GRIK4: variants seen among roughly 807,000 people sequenced by gnomAD.
GRIK4 encodes glutamate receptor ionotropic, kainate 4.
In GRIK4, 40 loss-of-function variants were observed where a neutral mutation model predicts 104.9. That is an observed-to-expected ratio of 0.38 (90% CI 0.30 to 0.50). The LOEUF (loss-of-function observed/expected upper bound fraction) is 0.50. Among genes scored for constraint, GRIK4 ranks in the 20% least tolerant of loss-of-function variants. The pLI, the probability that GRIK4 is intolerant of heterozygous loss-of-function variation, is 0.93. For missense variants in GRIK4, 1,047 were observed against 1,308.1 expected (o/e 0.80, Z 3.08); for synonymous variants, 485 against 524.9 (o/e 0.92, Z 1.04).
At chr11:120,910,043 G>T (rs1942957486) in intron 13 of GRIK4, among the ~76,000 whole-genome samples, 1 of 152,228 alleles carries the variant, frequency 6.6e-6, no homozygotes. Context: ...AGAGCAGGTT[G>T]TTATAAAGTG....
intron 3 of GRIK4, among the ~76,000 whole-genome samples, chr11:120,699,911 T>C (rs1219723556): frequency 6.6e-6 from 1 of 152,144 alleles, no homozygotes; most frequent in Non-Finnish European, 1.5e-5. Flanking sequence ...GTCAGAGATG[T>C]AGGTGTGAAG....
chr11:120,948,638 G>A (rs909001008), intron 14 of GRIK4, among the ~76,000 whole-genome samples: 2 of 152,228 alleles, frequency 1.3e-5, no homozygotes, highest in Admixed American at 6.5e-5. Context: ...AAAAGTGGCT[G>A]TAGCCAGATA....
At chr11:120,611,184 G>T (rs1949033695) in intron 1 of GRIK4, among the ~76,000 whole-genome samples, 1 of 152,122 alleles carries the variant, frequency 6.6e-6, no homozygotes, top group Admixed American at 6.5e-5. Context: ...TGTCCAGGAG[G>T]CCACATAGGA....
chr11:120,664,505 C>G (rs537800618), intron 3 of GRIK4, among the ~76,000 whole-genome samples: 2 of 152,322 alleles, frequency 1.3e-5, no homozygotes, highest in African/African-American at 4.8e-5. Context: ...TTGGACCAAA[C>G]AATCCCCTGT....
intron 1 of GRIK4, among the ~76,000 whole-genome samples, chr11:120,533,251 A>G (rs1947940436): frequency 6.6e-6 from 1 of 152,206 alleles, no homozygotes; most frequent in Admixed American, 6.5e-5. Flanking sequence ...GGACTTCTAG[A>G]GTGAGAGATG....
At chr11:120,512,033 C>G (rs1412847352) in intron 1 of GRIK4, 146 bp downstream of exon 1, 1 of 146,756 alleles carries the variant, frequency 6.8e-6, no homozygotes, top group East Asian at 2.1e-4. Flanking sequence ...GCCCCGCACC[C>G]CTGCCCCGGC....
chr11:120,946,403 G>A (rs1686228047), intron 14 of GRIK4, among the ~76,000 whole-genome samples: 1 of 152,216 alleles, frequency 6.6e-6, no homozygotes, highest in African/African-American at 2.4e-5. Context: ...GCGCATGCCT[G>A]TAATCCCAGC....
At chr11:120,630,546 C>T (rs12295761) in intron 1 of GRIK4, among the ~76,000 whole-genome samples, 21,404 of 152,152 alleles carry the variant, frequency 0.14, 2,754 homozygotes, top group African/African-American at 0.34. Flanking sequence ...GAAAAGCAGA[C>T]GCCGGCCTCC....
At chr11:120,678,102 C>T (rs548550485) in intron 3 of GRIK4, among the ~76,000 whole-genome samples, 26 of 151,760 alleles carry the variant, frequency 1.7e-4, no homozygotes, top group African/African-American at 5.6e-4. Flanking sequence ...TCTGCAGAGA[C>T]CCCGAGGCCT....
intron 6 of GRIK4, among the ~76,000 whole-genome samples, chr11:120,830,436 G>A (rs1310746252): frequency 1.3e-5 from 2 of 152,162 alleles, no homozygotes; most frequent in East Asian, 1.9e-4. Context: ...TCTGCAATGC[G>A]AGGAGGTGGA....
intron 3 of GRIK4, among the ~76,000 whole-genome samples, chr11:120,727,522 C>T (rs1377837513): frequency 6.6e-6 from 1 of 151,972 alleles, no homozygotes; most frequent in Non-Finnish European, 1.5e-5. Context: ...TGATTGGATC[C>T]AACTTTAATA....
intron 7 of GRIK4, among the ~76,000 whole-genome samples, chr11:120,833,976 T>G (rs1953504687): frequency 6.6e-6 from 1 of 152,210 alleles, no homozygotes; most frequent in Non-Finnish European, 1.5e-5. Flanking sequence ...AACCATCACT[T>G]TATTGTTGGA....
chr11:120,852,744 G>T (rs74407023), intron 8 of GRIK4, among the ~76,000 whole-genome samples: 1 of 152,182 alleles, frequency 6.6e-6, no homozygotes, highest in Non-Finnish European at 1.5e-5. Flanking sequence ...GACGGGTACC[G>T]CAGTCAAGTG....
At chr11:120,695,322 C>A (rs1258870576) in intron 3 of GRIK4, among the ~76,000 whole-genome samples, 1 of 152,242 alleles carries the variant, frequency 6.6e-6, no homozygotes, top group Non-Finnish European at 1.5e-5. Flanking sequence ...GGGCAGCTCT[C>A]CCACCCAGGC....
intron 3 of GRIK4, among the ~76,000 whole-genome samples, chr11:120,788,669 A>G (rs913916328): frequency 6.6e-6 from 1 of 152,090 alleles, no homozygotes; most frequent in Non-Finnish European, 1.5e-5. Context: ...GCCTTTTTGC[A>G]GGGCTTGCTT....
At chr11:120,925,170 G>C (rs1304911490) in intron 13 of GRIK4, among the ~76,000 whole-genome samples, 1 of 152,142 alleles carries the variant, frequency 6.6e-6, no homozygotes, top group African/African-American at 2.4e-5. Flanking sequence ...CTATGGCTGT[G>C]GGCGATGCCC....
intron 13 of GRIK4, among the ~76,000 whole-genome samples, chr11:120,927,277 G>A (rs1168244740): frequency 6.6e-6 from 1 of 152,096 alleles, no homozygotes; most frequent in African/African-American, 2.4e-5. Flanking sequence ...AACTAGAAAG[G>A]AAGAATTGGC....
chr11:120,724,666 T>C (rs1230046544), intron 3 of GRIK4, among the ~76,000 whole-genome samples: 1 of 152,230 alleles, frequency 6.6e-6, no homozygotes, highest in Non-Finnish European at 1.5e-5. Flanking sequence ...TTTATAAATG[T>C]CTAAGCCTAG....
At position 120,907,893 on chromosome 11, in the gene GRIK4, G is replaced by A. The variant is rs766490648; in HGVS notation, c.1476+2400G>A. Among the ~76,000 whole-genome samples the A allele has an allele frequency of 1.6e-4, 25 of 152,264 alleles. No homozygotes were observed. In the Middle Eastern group the frequency reaches 0.017, roughly 104 times the overall value. On this transcript the variant is annotated intron_variant, in intron 13 of 20. Coordinates refer to ENST00000527524, the MANE Select transcript of GRIK4 (RefSeq NM_014619.5). ...TTGGTGTGCCACTGGGGTTGGTCCT[G>A]GATGGGAGTTGATGACACTGGGACC...
Sources: gnomAD v4.1 joint callset for allele counts (sites outside exome capture counted in the v4.1 genomes callset) on GRCh38, gnomAD v4.1.1 for gene constraint, MANE v1.5 for transcripts, NCBI Gene and HGNC (gene_info 2026-07-23, HGNC 2026-07-21) for gene names.